LSAMP: variants seen among roughly 807,000 people sequenced by gnomAD.
LSAMP encodes the protein limbic system-associated membrane protein.
LSAMP carries 7 observed loss-of-function variants against 38.6 expected under a neutral mutation model. The observed-to-expected ratio is 0.18, with a 90% CI of 0.10 to 0.34. The LOEUF (loss-of-function observed/expected upper bound fraction) is 0.34, where lower values mean the gene tolerates loss of function less well. Among genes scored for constraint, LSAMP ranks in the 10% least tolerant of loss-of-function variants. The pLI, the probability that LSAMP is intolerant of heterozygous loss-of-function variation, is 1.00. For missense variants in LSAMP, 313 were observed against 420.0 expected, an observed-to-expected ratio of 0.75 and a Z score of 2.23; for synonymous variants, 154 against 166.8, an observed-to-expected ratio of 0.92 and a Z score of 0.59.
chr3:116,276,003 A>AAAAC (rs1399527314), intron 1 of LSAMP, among the ~76,000 whole-genome samples: 1 of 152,238 alleles, frequency 6.6e-6, no homozygotes, highest in Non-Finnish European at 1.5e-5. Flanking sequence ...GAGGAGACAG[A>AAAAC]AAACAACCTT....
chr3:116,153,157 C>G (rs968500245), intron 1 of LSAMP, among the ~76,000 whole-genome samples: 1 of 151,980 alleles, frequency 6.6e-6, no homozygotes, highest in Non-Finnish European at 1.5e-5. Context: ...CAACTGAATG[C>G]TTAGAAACAC....
chr3:116,108,697 C>T (rs1393037078), intron 1 of LSAMP, among the ~76,000 whole-genome samples: 2 of 152,096 alleles, frequency 1.3e-5, no homozygotes, highest in Non-Finnish European at 2.9e-5. Flanking sequence ...AGTGGGGTCC[C>T]GCAGAGATGG....
At chr3:116,134,081 C>CG (rs1360109344) in intron 1 of LSAMP, among the ~76,000 whole-genome samples, 1 of 152,020 alleles carries the variant, frequency 6.6e-6, no homozygotes, top group Non-Finnish European at 1.5e-5. Context: ...GAATAAAAGA[C>CG]GGGGTCTCAT....
chr3:116,120,903 T>C (rs1708860889), intron 1 of LSAMP, among the ~76,000 whole-genome samples: 1 of 152,212 alleles, frequency 6.6e-6, no homozygotes, highest in African/African-American at 2.4e-5. Context: ...TTAGATATTC[T>C]TGCTAACTCC....
chr3:115,899,426 C>T (rs572510596), intron 3 of LSAMP, among the ~76,000 whole-genome samples: 1 of 152,170 alleles, frequency 6.6e-6, no homozygotes, highest in East Asian at 1.9e-4. Context: ...TTCACAATTC[C>T]TATAAATCAC....
intron 2 of LSAMP, among the ~76,000 whole-genome samples, chr3:116,047,560 C>A (rs2107727866): frequency 6.6e-6 from 1 of 152,170 alleles, no homozygotes; most frequent in South Asian, 2.1e-4. Context: ...TACATCCCAA[C>A]CACTTCTACA....
intron 3 of LSAMP, among the ~76,000 whole-genome samples, chr3:116,007,819 T>TGTAA (rs1389088541): frequency 6.6e-6 from 1 of 152,188 alleles, no homozygotes; most frequent in African/African-American, 2.4e-5. Context: ...GCAGGGGTTC[T>TGTAA]GTAAGTTTAC....
intron 3 of LSAMP, among the ~76,000 whole-genome samples, chr3:116,004,884 A>G (rs568761293): frequency 1.0e-3 from 158 of 152,268 alleles, no homozygotes; most frequent in Middle Eastern, 6.8e-3. Flanking sequence ...CTGAAAATTC[A>G]TAGAATCACA....
chr3:116,371,968 TTAATAA>T (rs1184119068), intron 1 of LSAMP, among the ~76,000 whole-genome samples: 1 of 151,884 alleles, frequency 6.6e-6, no homozygotes, highest in African/African-American at 2.4e-5. Flanking sequence ...AGGAATAAAC[TTAATAA>T]TAAGAAAGAT....
intron 3 of LSAMP, among the ~76,000 whole-genome samples, chr3:115,854,270 ATTATTATTATTATT>A (rs1320999724): frequency 8.3e-6 from 1 of 119,946 alleles, no homozygotes; most frequent in African/African-American, 3.3e-5. Context: ...TATTATTATT[ATTATTATTATTATT>A]TTTTTTTTTT....
In LSAMP at chr3:115,841,898, G is replaced by A; in HGVS notation, c.866C>T (p.Thr289Ile). 2 of 1,614,120 alleles carry A rather than the reference G, an allele frequency of 1.2e-6. No homozygotes were observed. The highest frequency in any genetic ancestry group is 2.2e-5 in the East Asian group (1 of 44,884). Residue 289 changes from threonine to isoleucine, a missense_variant, in exon 6 of 7, where the codon ACC becomes ATC. Physicochemically the swap from Thr to Ile is moderately conservative, Grantham distance 89. Coordinates refer to ENST00000490035, the MANE Select transcript of LSAMP (RefSeq NM_002338.5). ...CCCCAGCTTGTTGGCAGCCACACAG[G>A]TGTAGTTGCCGTAGTGCTCCTCAGT... ...NVTEEHYGNY[T>I]CVAANKLGVT...
intron 3 of LSAMP, among the ~76,000 whole-genome samples, chr3:115,892,972 G>A (rs13090689): frequency 0.16 from 24,370 of 151,680 alleles, 2,027 homozygotes; most frequent in Middle Eastern, 0.21. Context: ...AAATCTCACT[G>A]TATCAATCAG....
intron 1 of LSAMP, among the ~76,000 whole-genome samples, chr3:116,359,773 C>T (rs2048279209): frequency 6.6e-6 from 1 of 152,016 alleles, no homozygotes; most frequent in Non-Finnish European, 1.5e-5. Flanking sequence ...ATTTTCTAGC[C>T]ATATGCAGAA....
At chr3:116,243,628 A>G (rs2046567829) in intron 1 of LSAMP, among the ~76,000 whole-genome samples, 1 of 152,178 alleles carries the variant, frequency 6.6e-6, no homozygotes, top group African/African-American at 2.4e-5. Flanking sequence ...AAGAATTCTT[A>G]TGCTTGAAGA....
intron 3 of LSAMP, among the ~76,000 whole-genome samples, chr3:115,897,030 G>C (rs1450363836): frequency 3.3e-5 from 5 of 152,024 alleles, no homozygotes; most frequent in Non-Finnish European, 7.4e-5. Flanking sequence ...TAGACATTTA[G>C]GTATGAAGGC....
chr3:116,312,458 A>G (rs1022782944), intron 1 of LSAMP, among the ~76,000 whole-genome samples: 1 of 152,188 alleles, frequency 6.6e-6, no homozygotes, highest in East Asian at 1.9e-4. Context: ...AGCCAGTAGC[A>G]TGCTCCCCTC....
intron 1 of LSAMP, among the ~76,000 whole-genome samples, chr3:116,342,803 G>A (rs1040557389): frequency 1.3e-5 from 2 of 152,058 alleles, no homozygotes; most frequent in African/African-American, 2.4e-5. Context: ...AACGGTCCAA[G>A]ATATGCTCTA....
Position 116,005,372 on chromosome 3 carries a change from A to G in LSAMP, c.514+14143T>C, listed in dbSNP as rs79868719. Reference sequence around the variant, plus strand: ...CAGAAGCAAGATTCAGTCCTTACAGACTGGCCATGGTAGCAGCCCTTTATC... The same window carrying G: ...CAGAAGCAAGATTCAGTCCTTACAGGCTGGCCATGGTAGCAGCCCTTTATC... On this transcript the variant is annotated intron_variant, in intron 3 of 6. Coordinates refer to ENST00000490035, the MANE Select transcript of LSAMP (RefSeq NM_002338.5). 7.5e-3 allele frequency among the ~76,000 whole-genome samples: 1,142 copies of G among 152,246 alleles called. 13 individuals are homozygous for G. The highest frequency in any genetic ancestry group is 0.026 in the African/African-American group (1,088 of 41,544).
intron 1 of LSAMP, among the ~76,000 whole-genome samples, chr3:116,101,111 A>G (rs1041850557): frequency 1.3e-5 from 2 of 152,200 alleles, no homozygotes; most frequent in African/African-American, 4.8e-5. Context: ...AGAAGTTTCT[A>G]GATAATTACT....
Sources: allele counts gnomAD v4.1 joint callset (sites outside exome capture counted in the v4.1 genomes callset), GRCh38; gene constraint gnomAD v4.1.1; transcripts MANE v1.5; gene names NCBI Gene and HGNC (gene_info 2026-07-23, HGNC 2026-07-21).